Variants in UBXN2B observed in about 807,000 individuals in gnomAD.
The protein encoded by UBXN2B is UBX domain protein 2B, also known as UBX domain-containing protein 2B.
A neutral mutation model predicts 37.5 loss-of-function variants in UBXN2B; 19 were observed. That is an observed-to-expected ratio of 0.51 (90% CI 0.35 to 0.74). The LOEUF is 0.74. UBXN2B is among the 30% of genes least tolerant of loss of function. The pLI, the probability that UBXN2B is intolerant of heterozygous loss-of-function variation, is 0.01. For missense variants in UBXN2B, 370 were observed against 393.2 expected, an observed-to-expected ratio of 0.94 and a Z score of 0.50; for synonymous variants, 145 against 143.8, an observed-to-expected ratio of 1.01 and a Z score of -0.06.
rs910454001 is a variant in UBXN2B at position 58,449,021 on chromosome 8, T to A, written c.*1470T>A. 1 of 152,286 alleles carries A rather than the reference T, an allele frequency of 6.6e-6. No individual in the cohort carries two copies. The highest frequency in any genetic ancestry group is 2.4e-5 in the African/African-American group (1 of 41,446). The allele number at this position is 152,286 out of a possible 1,614,324, so 9.4% of individuals were successfully genotyped here. ...TACAGGACATCCTCATTCCTTGGCTTGTGACCTCCTTCTTCCATCTTAAAA... is the reference window on the plus strand; with the variant it reads ...TACAGGACATCCTCATTCCTTGGCTAGTGACCTCCTTCTTCCATCTTAAAA... On this transcript the variant is annotated 3_prime_UTR_variant, in exon 8 of 8. Coordinates refer to ENST00000399598, the MANE Select transcript of UBXN2B (RefSeq NM_001077619.2).
chr8:58,436,874 A>G (rs1808424773), intron 5 of UBXN2B, among the ~76,000 whole-genome samples: 1 of 152,192 alleles, frequency 6.6e-6, no homozygotes, highest in South Asian at 2.1e-4. Flanking sequence ...CATGAGCCAA[A>G]ATAAACCTTT....
chr8:58,446,082 C>T lies in UBXN2B; in HGVS notation c.833+14C>T, dbSNP rs745914445. The T allele has an allele frequency of 2.5e-6, 4 of 1,590,506 alleles. No individual in the cohort carries two copies. Among genetic ancestry groups the T allele is most frequent in the Non-Finnish European group, 3.4e-6 (4 of 1,170,178 alleles). On this transcript the variant is annotated intron_variant, in intron 7 of 7. Coordinates refer to ENST00000399598, the MANE Select transcript of UBXN2B (RefSeq NM_001077619.2). ...TAGTACACACAGGTAAGCTTCTTTACCAACAGTGTCCTGTTTGCTGTTATA... is the reference window on the plus strand; with the variant it reads ...TAGTACACACAGGTAAGCTTCTTTATCAACAGTGTCCTGTTTGCTGTTATA...
chr8:58,424,788 C>G, intron 2 of UBXN2B: 1 of 1,447,202 alleles, frequency 6.9e-7, no homozygotes, highest in Non-Finnish European at 9.7e-7. Context: ...CTTCTTCAAT[C>G]CTGCGCTGTA....
rs964932279 is a variant in UBXN2B, at chr8:58,434,444, G to C, written c.473G>C (p.Gly158Ala). ...LWSNGFSLDD[G>A]ELRPYNEPTN... The stretch of plus-strand genomic sequence containing the variant: ...AGCAATGGTTTCAGTTTAGATGATG[G>C]AGAATTGAGACCTTACAATGAACCA... The change falls in exon 5 of 8, where the codon GGA (glycine) becomes GCA (alanine). Residue 158 changes from glycine (G) to alanine (A), a missense_variant. Physicochemically the swap from Gly to Ala is moderately conservative, Grantham distance 60. This residue lies in a region of UBXN2B where 90 missense variants were observed against 139.4 expected (regional missense o/e 0.65). Coordinates refer to ENST00000399598, the MANE Select transcript of UBXN2B (RefSeq NM_001077619.2). The C allele has an allele frequency of 4.5e-6, 7 of 1,549,210 alleles. No homozygotes were observed. The highest frequency in any genetic ancestry group is 2.4e-5 in the East Asian group (1 of 42,184).
intron 2 of UBXN2B, among the ~76,000 whole-genome samples, chr8:58,423,636 C>T (rs754235042): frequency 1.5e-4 from 23 of 151,666 alleles, no homozygotes; most frequent in Non-Finnish European, 2.7e-4. Context: ...GGGGTTTCAC[C>T]GTGTTAACCA....
chr8:58,439,714 C>T lies in UBXN2B; in HGVS notation c.615C>T (p.Tyr205=), dbSNP rs1480869995. Residue 205 remains tyrosine, a synonymous_variant, in exon 6 of 8, where the codon TAC becomes TAT. Coordinates refer to ENST00000399598, the MANE Select transcript of UBXN2B (RefSeq NM_001077619.2). The stretch of plus-strand genomic sequence containing the variant: ...TGGAGGATCATCAGGATCAAGAATA[C>T]ATAAAACCTAGATTGAGGTTCAAGG... The part of the protein sequence containing the change: ...LDMEDHQDQE[Y]IKPRLRFKAF... The T allele has an allele frequency of 6.2e-7, 1 of 1,611,124 alleles. No individual in the cohort carries two copies. Among genetic ancestry groups the T allele is most frequent in the Non-Finnish European group, 8.5e-7 (1 of 1,178,764 alleles).
At chr8:58,411,844 A>G (rs16923442) in intron 1 of UBXN2B, among the ~76,000 whole-genome samples, 4,142 of 152,302 alleles carry the variant, frequency 0.027, 210 homozygotes, top group East Asian at 0.23. Context: ...CTGAACAGTA[A>G]TGATACGTGA....
intron 1 of UBXN2B, among the ~76,000 whole-genome samples, chr8:58,411,980 A>G (rs996610927): frequency 1.3e-5 from 2 of 152,208 alleles, no homozygotes; most frequent in Non-Finnish European, 2.9e-5. Context: ...ATGCCCATAC[A>G]GCCTAGTTGT....
At chr8:58,433,503 G>A (rs957858517) in intron 4 of UBXN2B, among the ~76,000 whole-genome samples, 1 of 151,714 alleles carries the variant, frequency 6.6e-6, no homozygotes, top group East Asian at 1.9e-4. Context: ...AGCCAGGCGT[G>A]GTGACATGCA....
chr8:58,433,049 A>G (rs138947708), intron 3 of UBXN2B, 111 bp from the exon 4 acceptor site: 17 of 796,464 alleles, frequency 2.1e-5, no homozygotes, highest in African/African-American at 2.1e-4. Flanking sequence ...GCTCCCCAGT[A>G]TGAGCCACTT....
intron 5 of UBXN2B, among the ~76,000 whole-genome samples, chr8:58,439,365 A>G (rs1044727649): frequency 6.6e-6 from 1 of 152,226 alleles, no homozygotes; most frequent in Non-Finnish European, 1.5e-5. Flanking sequence ...TTGCTGTCTT[A>G]AAATTTAACT....
intron 6 of UBXN2B, among the ~76,000 whole-genome samples, chr8:58,444,820 AT>A (rs1808633132): frequency 6.6e-6 from 1 of 152,220 alleles, no homozygotes; most frequent in Non-Finnish European, 1.5e-5. Flanking sequence ...GCATCAGGAA[AT>A]AGCTAAAGAA....
intron 2 of UBXN2B, chr8:58,425,716 G>T: frequency 2.6e-6 from 3 of 1,175,320 alleles, no homozygotes; most frequent in Non-Finnish European, 3.8e-6. Context: ...TACGAGTCGT[G>T]TTAAGGGGCT....
chr8:58,434,526 C>A, intron 5 of UBXN2B, 22 bp downstream of exon 5: 2 of 1,486,826 alleles, frequency 1.3e-6, no homozygotes, highest in Non-Finnish European at 1.8e-6. Flanking sequence ...TATTTGTATT[C>A]TATTTGTTAT....
At chr8:58,425,021 G>A (rs529599099) in intron 2 of UBXN2B, 31 of 781,818 alleles carry the variant, frequency 4.0e-5, no homozygotes, top group Non-Finnish European at 7.1e-5. Context: ...GGCCTTGCAT[G>A]CATGATGCGT....
intron 6 of UBXN2B, among the ~76,000 whole-genome samples, chr8:58,444,186 A>G (rs897057002): frequency 6.6e-6 from 1 of 152,324 alleles, no homozygotes; most frequent in Non-Finnish European, 1.5e-5. Context: ...AAAGAGCCCA[A>G]TATAAACCTC....
At chr8:58,425,677 C>T in intron 2 of UBXN2B, 2 of 1,176,192 alleles carry the variant, frequency 1.7e-6, no homozygotes, top group South Asian at 2.4e-5. Flanking sequence ...TTGCTTAGTT[C>T]TCGAATTCTG....
chr8:58,441,348 C>CGTGTATATATATATATATATATATAT (rs1242681481), intron 6 of UBXN2B, among the ~76,000 whole-genome samples: 17 of 104,656 alleles, frequency 1.6e-4, no homozygotes, highest in African/African-American at 6.0e-4. Flanking sequence ...TTGTGATCAA[C>CGTGTATATATATATATATATATATAT]ATATATATAT....
chr8:58,447,047 C>T (rs1563469540), intron 7 of UBXN2B, among the ~76,000 whole-genome samples: 1 of 151,892 alleles, frequency 6.6e-6, no homozygotes, highest in Non-Finnish European at 1.5e-5. Context: ...GATCTGCCCA[C>T]CTCTGCCTCC....
Sources: allele counts gnomAD v4.1 joint callset (sites outside exome capture counted in the v4.1 genomes callset), GRCh38; gene constraint gnomAD v4.1.1; regional missense constraint gnomAD v4.1.1; transcripts MANE v1.5; gene names NCBI Gene and HGNC (gene_info 2026-07-23, HGNC 2026-07-21).